The following SDK1 variants were observed in gnomAD, a reference collection of about 807,000 sequenced individuals.
The protein encoded by SDK1 is protein sidekick-1.
A neutral mutation model predicts 245.5 loss-of-function variants in SDK1; 157 were observed. The observed-to-expected ratio is 0.64, with a 90% CI of 0.56 to 0.73. The LOEUF (loss-of-function observed/expected upper bound fraction) is 0.73, where lower values mean the gene tolerates loss of function less well. Among genes scored for constraint, SDK1 ranks in the 30% least tolerant of loss-of-function variants. SDK1 has a pLI of 0.00. For synonymous variants in SDK1, 1,647 were observed against 1,278.5 expected (o/e 1.29, Z -6.15); for missense variants, 3,583 against 3,002.3 (o/e 1.19, Z -4.52).
chr7:4,055,424 G>A (rs1779133003), intron 19 of SDK1, among the ~76,000 whole-genome samples: 1 of 152,102 alleles, frequency 6.6e-6, no homozygotes, highest in African/African-American at 2.4e-5. Flanking sequence ...CTGTAGTGAT[G>A]TCCTGTTTTT....
At chr7:4,261,754 T>C (rs1196579850) in intron 44 of SDK1, among the ~76,000 whole-genome samples, 1 of 152,040 alleles carries the variant, frequency 6.6e-6, no homozygotes, top group Non-Finnish European at 1.5e-5. Context: ...CTTGATACCC[T>C]CTGGGGAGAG....
At chr7:3,570,043 T>C (rs901188388) in intron 1 of SDK1, among the ~76,000 whole-genome samples, 2 of 152,178 alleles carry the variant, frequency 1.3e-5, no homozygotes, top group African/African-American at 2.4e-5. Flanking sequence ...ACCAGCTCCA[T>C]CATTTGAGAG....
intron 2 of SDK1, among the ~76,000 whole-genome samples, chr7:3,631,197 GT>G (rs1360942759): frequency 2.6e-5 from 4 of 152,322 alleles, no homozygotes; most frequent in Non-Finnish European, 5.9e-5. Context: ...GCCTCCCAAA[GT>G]GCTGGGATTA....
At chr7:3,886,459 A>C (rs1391288398) in intron 5 of SDK1, among the ~76,000 whole-genome samples, 1 of 152,240 alleles carries the variant, frequency 6.6e-6, no homozygotes, top group African/African-American at 2.4e-5. Flanking sequence ...AGGACTAAGT[A>C]GCTTGCCTCC....
chr7:3,320,889 A>G (rs141879004), intron 1 of SDK1, among the ~76,000 whole-genome samples: 1 of 146,338 alleles, frequency 6.8e-6, no homozygotes, highest in Non-Finnish European at 1.5e-5. Context: ...GTAAGGAAAA[A>G]TGTGGGTTAA....
At chr7:3,594,607 G>A (rs1001571303) in intron 1 of SDK1, among the ~76,000 whole-genome samples, 3 of 152,118 alleles carry the variant, frequency 2.0e-5, no homozygotes, top group African/African-American at 4.8e-5. Flanking sequence ...ACTTGTAATT[G>A]TTTGTCTTTT....
intron 16 of SDK1, among the ~76,000 whole-genome samples, chr7:4,016,328 G>T (rs1176896825): frequency 2.0e-5 from 3 of 152,250 alleles, no homozygotes; most frequent in African/African-American, 4.8e-5. Context: ...TGACAGGGCA[G>T]TCACTCCTAC....
At chr7:4,172,757 G>A (rs1367977143) in intron 32 of SDK1, among the ~76,000 whole-genome samples, 2 of 152,134 alleles carry the variant, frequency 1.3e-5, no homozygotes, top group Non-Finnish European at 2.9e-5. Flanking sequence ...AGCTTCCGGT[G>A]GCCGATGACA....
chr7:4,224,484 C>T (rs1785311725), intron 40 of SDK1, among the ~76,000 whole-genome samples: 1 of 152,158 alleles, frequency 6.6e-6, no homozygotes, highest in African/African-American at 2.4e-5. Context: ...GGTCCTAAAA[C>T]CATTCATGAG....
intron 1 of SDK1, among the ~76,000 whole-genome samples, chr7:3,397,489 C>A (rs958164487): frequency 6.7e-6 from 1 of 149,388 alleles, no homozygotes; most frequent in Non-Finnish European, 1.5e-5. Flanking sequence ...TTCCCCCCCC[C>A]AGCGCTTTGA....
intron 25 of SDK1, among the ~76,000 whole-genome samples, chr7:4,115,220 C>T (rs1481354829): frequency 6.6e-6 from 1 of 152,194 alleles, no homozygotes; most frequent in Admixed American, 6.5e-5. Context: ...AGGAATGAAC[C>T]AGCTGCACCT....
At chr7:3,812,764 A>G (rs1779416498) in intron 4 of SDK1, among the ~76,000 whole-genome samples, 1 of 152,154 alleles carries the variant, frequency 6.6e-6, no homozygotes, top group Non-Finnish European at 1.5e-5. Context: ...CTGAAGTTTA[A>G]TGGCTTTCTC....
chr7:3,918,392 G>A (rs556641213), intron 5 of SDK1, among the ~76,000 whole-genome samples: 2 of 152,238 alleles, frequency 1.3e-5, no homozygotes, highest in South Asian at 4.2e-4. Flanking sequence ...TTAGATTCTC[G>A]TAATAGCACG....
intron 5 of SDK1, among the ~76,000 whole-genome samples, chr7:3,839,611 A>G (rs562923609): frequency 6.6e-6 from 1 of 152,338 alleles, no homozygotes; most frequent in South Asian, 2.1e-4. Flanking sequence ...GATGCTGAAC[A>G]CTTTTTCAAT....
intron 29 of SDK1, among the ~76,000 whole-genome samples, chr7:4,147,371 A>G (rs1225499844): frequency 6.6e-6 from 1 of 152,054 alleles, no homozygotes; most frequent in African/African-American, 2.4e-5. Context: ...GAGTCTTGCT[A>G]TGATACCCAT....
intron 4 of SDK1, among the ~76,000 whole-genome samples, chr7:3,687,382 C>G (rs1583307876): frequency 6.6e-6 from 1 of 152,112 alleles, no homozygotes; most frequent in Non-Finnish European, 1.5e-5. Context: ...CCGCCTCAGC[C>G]TCCCAAAGTG....
At chr7:4,147,505 C>T (rs1294690870) in intron 29 of SDK1, among the ~76,000 whole-genome samples, 6 of 152,142 alleles carry the variant, frequency 3.9e-5, no homozygotes, top group Admixed American at 1.3e-4. Flanking sequence ...TGGGCTCAAG[C>T]GATCCTCCTG....
In SDK1 at chr7:3,718,519, CTCAATAAATAAATAAATAAATAAA is replaced by C. The variant is rs1212368535; in HGVS notation, c.713+76416_713+76439del. ...CCTGGGTGACAAAGCAAAACTGTAT[CTCAATAAATAAATAAATAAATAAA>C]TAAATAAATAAATAAATAAATAAAT... On this transcript the variant is annotated intron_variant, in intron 4 of 44. Transcript: ENST00000404826. Among the ~76,000 whole-genome samples the C allele has an allele frequency of 8.4e-5, 11 of 131,726 alleles. 1 individual carries two copies. The highest frequency in any genetic ancestry group is 3.2e-4 in the African/African-American group (11 of 34,592). 86.4% of individuals were successfully genotyped at this position (131,726 alleles called of 152,430 possible). A position where few individuals can be genotyped will look rare whatever the true frequency, so the allele number is the denominator to read the frequency against.
chr7:3,830,614 G>A (rs560846695), intron 5 of SDK1, among the ~76,000 whole-genome samples: 5 of 152,178 alleles, frequency 3.3e-5, no homozygotes, highest in African/African-American at 1.2e-4. Context: ...TCCCACCCCA[G>A]CCTCCTGATT....
Sources: gnomAD v4.1 joint callset for allele counts (sites outside exome capture counted in the v4.1 genomes callset) on GRCh38, gnomAD v4.1.1 for gene constraint, MANE v1.5 for transcripts, NCBI Gene and HGNC (gene_info 2026-07-23, HGNC 2026-07-21) for gene names.